Variants in ADH1B observed in about 807,000 individuals in gnomAD.
ADH1B encodes the protein alcohol dehydrogenase 1B (class I), beta polypeptide, also known as all-trans-retinol dehydrogenase [NAD(+)] ADH1B.
Under a neutral mutation model 34.6 loss-of-function variants are expected in ADH1B, and 29 were observed. The ratio of observed to expected loss-of-function variants is 0.84; its 90% CI spans 0.62 to 1.14. The LOEUF (loss-of-function observed/expected upper bound fraction) is 1.14, where lower values mean the gene tolerates loss of function less well. Ranked by LOEUF, ADH1B falls within the 50% of genes most tolerant of loss-of-function variation. ADH1B has a pLI of 0.00. For synonymous variants in ADH1B, 170 were observed against 175.5 expected (o/e 0.97, Z 0.25); for missense variants, 424 against 468.4 (o/e 0.91, Z 0.87).
Position 99,316,051 on chromosome 4 carries a change from A to G in ADH1B, c.414T>C (p.Ile138=). The G allele has an allele frequency of 8.7e-6, 14 of 1,614,132 alleles. No individual in the cohort carries two copies. The highest frequency in any genetic ancestry group is 1.2e-5 in the Non-Finnish European group (14 of 1,180,000). The change falls in exon 5 of 9, where the codon ATT becomes ATC. Residue 138 remains isoleucine, a synonymous_variant. Transcript: ENST00000305046. ...AGGTGCTGGTGCCAAGGAAGTGGTGAATGGGCTTCCCCCTGCAGGTGAACC... is the reference window on the plus strand; with the variant it reads ...AGGTGCTGGTGCCAAGGAAGTGGTGGATGGGCTTCCCCCTGCAGGTGAACC... ...TRRFTCRGKP[I]HHFLGTSTFS...
chr4:99,319,492 T>C (rs1466426086), intron 1 of ADH1B: 2 of 161,104 alleles, frequency 1.2e-5, no homozygotes, highest in Admixed American at 1.2e-4. Flanking sequence ...TGTTTTGTAA[T>C]CTAATTTATG....
Position 99,307,065 on chromosome 4 carries a change from G to A in ADH1B, c.*775C>T, listed in dbSNP as rs1275439944. 1 of 152,130 alleles carries A rather than the reference G, an allele frequency of 6.6e-6. No homozygotes were observed. Among genetic ancestry groups the A allele is most frequent in the Non-Finnish European group, 1.5e-5 (1 of 68,028 alleles). The allele number at this position is 152,130 out of a possible 1,614,324, so 9.4% of individuals were successfully genotyped here. A position where few individuals can be genotyped will look rare whatever the true frequency, so the allele number is the denominator to read the frequency against. ...CACAAACTAATACTGTTTAGTCAAT[G>A]AAGCACTTTCATCAGCAAAAATTAC... On this transcript the variant is annotated 3_prime_UTR_variant, in exon 9 of 9. Coordinates refer to ENST00000305046, the MANE Select transcript of ADH1B (RefSeq NM_000668.6).
In ADH1B at chr4:99,307,691, C is replaced by G. The variant is rs1174416178; in HGVS notation, c.*149G>C. On this transcript the variant is annotated 3_prime_UTR_variant, in exon 9 of 9. Transcript: ENST00000305046. ...ATTTTCCTGAAAAATAATTTCCCAT[C>G]AATTTCCATTTCTTTGGAAAGCCCC... 5 of 943,714 alleles carry G rather than the reference C, an allele frequency of 5.3e-6. No individual in the cohort carries two copies. 58.5% of individuals were successfully genotyped at this position (943,714 alleles called of 1,614,324 possible).
chr4:99,320,744 A>T (rs1329665487), intron 1 of ADH1B: 1 of 1,071,064 alleles, frequency 9.3e-7, no homozygotes, highest in Non-Finnish European at 1.1e-6. Context: ...GAATTGTATC[A>T]TAATGGACCC....
intron 5 of ADH1B, chr4:99,315,114 CAGG>C (rs1338351444): frequency 2.0e-5 from 3 of 152,156 alleles, no homozygotes; most frequent in Admixed American, 1.3e-4. Context: ...TAAGATTCAG[CAGG>C]AGATTTGAAA....
At chr4:99,308,494 C>T (rs1009815660) in intron 8 of ADH1B, among the ~76,000 whole-genome samples, 19 of 151,382 alleles carry the variant, frequency 1.3e-4, no homozygotes, top group African/African-American at 1.7e-4. Flanking sequence ...ACCTTTGATA[C>T]GGATGTTTAA....
At chr4:99,320,989 C>T (rs957527052) in intron 1 of ADH1B, 1 of 1,032,836 alleles carries the variant, frequency 9.7e-7, no homozygotes, top group African/African-American at 1.7e-5. Flanking sequence ...GATAACTTGC[C>T]ATTAAAGACT....
chr4:99,310,185 G>A (rs10033960), intron 8 of ADH1B, among the ~76,000 whole-genome samples: 37,563 of 151,934 alleles, frequency 0.25, 6,099 homozygotes, highest in East Asian at 0.8. Context: ...GAAAATGTAA[G>A]ACAAACATTT....
At chr4:99,317,931 G>A in intron 3 of ADH1B, 115 bp downstream of exon 3, 1 of 1,521,266 alleles carries the variant, frequency 6.6e-7, no homozygotes, top group South Asian at 1.3e-5. Flanking sequence ...TGAAGTCCTG[G>A]CTGCGCGGTG....
At chr4:99,311,785 C>T (rs1560527025) in intron 6 of ADH1B, 129 bp from the exon 7 acceptor site, 1 of 1,380,178 alleles carries the variant, frequency 7.2e-7, no homozygotes, top group African/African-American at 1.4e-5. Context: ...GTCTTTTGAT[C>T]CTTCATTCCC....
Position 99,316,006 on chromosome 4 carries a change from C to T in ADH1B, c.459G>A (p.Val153=), listed in dbSNP as rs1482082702. The stretch of plus-strand genomic sequence containing the variant: ...CAATTTTGGCCACTGCATTCTCATC[C>T]ACCACCGTGTACTGGGAGAAGGTGC... ...GTSTFSQYTV[V]DENAVAKIDA... The change falls in exon 5 of 9, where the codon GTG becomes GTA. Residue 153 remains valine (V), a synonymous_variant. Coordinates refer to ENST00000305046, the MANE Select transcript of ADH1B (RefSeq NM_000668.6). 5 of 1,614,172 alleles carry T rather than the reference C, an allele frequency of 3.1e-6. No homozygotes were observed. In the South Asian group the frequency reaches 4.4e-5, roughly 14 times the overall value.
chr4:99,316,218 T>C lies in ADH1B; in HGVS notation c.344A>G (p.Asn115Ser). 1.1e-5 allele frequency: 18 copies of C among 1,614,184 alleles called. No individual in the cohort carries two copies. The highest frequency in any genetic ancestry group is 1.5e-5 in the Non-Finnish European group (18 of 1,180,024). The change falls in exon 4 of 9, where the codon AAT (asparagine) becomes AGT (serine). Residue 115 changes from asparagine to serine, a missense_variant. This residue lies in a region of ADH1B where 291 missense variants were observed against 300.4 expected (regional missense o/e 0.97). Transcript: ENST00000305046. ...KNPESNYCLKNDLGNPRGTLQ... is the reference protein window; with the variant it reads ...KNPESNYCLKSDLGNPRGTLQ... ...AAAGAGAGCATCAGAAACCTACTCA[T>C]TTTTCAAGCAGTAGTTGCTCTCCGG...
Position 99,310,857 on chromosome 4 carries a change from C to T in ADH1B, c.1011G>A (p.Met337Ile), listed in dbSNP as rs55882921. The T allele has an allele frequency of 3.5e-5, 56 of 1,613,386 alleles. No individual in the cohort carries two copies. The East Asian group carries it at 1.1e-3, about 33-fold the overall frequency. The change falls in exon 8 of 9, where the codon ATG (methionine) becomes ATA (isoleucine). Residue 337 changes from methionine (M) to isoleucine (I), a missense_variant. By Grantham distance (10) the Met-to-Ile change is conservative. Around this residue, in one of 3 missense-constraint regions of ADH1B, gnomAD observed 130 missense variants for 151.8 expected, o/e 0.86. Coordinates refer to ENST00000305046, the MANE Select transcript of ADH1B (RefSeq NM_000668.6). ...EGIPKLVADF[M>I]AKKFSLDALI... The stretch of plus-strand genomic sequence containing the variant: ...ACGCATCCAGTGAAAACTTCTTAGC[C>T]ATAAAATCAGCCACAAGTTTTGGGA...
chr4:99,320,649 A>AC, intron 1 of ADH1B: 1 of 318,956 alleles, frequency 3.1e-6, no homozygotes. Context: ...TTATTATTCA[A>AC]ATTGTATCAT....
intron 1 of ADH1B, chr4:99,320,754 C>T: frequency 1.0e-5 from 11 of 1,087,870 alleles, no homozygotes; most frequent in Non-Finnish European, 1.1e-5. Flanking sequence ...ATAATGGACC[C>T]CTTTTAATCA....
intron 3 of ADH1B, 88 bp from the exon 4 acceptor site, chr4:99,316,390 G>T: frequency 7.6e-7 from 1 of 1,313,396 alleles, no homozygotes; most frequent in Non-Finnish European, 1.1e-6. Flanking sequence ...TTGATTAGAA[G>T]CATGTTTCTT....
At position 99,315,937 on chromosome 4, in the gene ADH1B, T is replaced by A; in HGVS notation, c.528A>T (p.Gly176=). 6.2e-7 allele frequency: 1 copy of A among 1,614,208 alleles called. No individual in the cohort carries two copies. The highest frequency in any genetic ancestry group is 8.5e-7 in the Non-Finnish European group (1 of 1,180,024). The change falls in exon 5 of 9, where the codon GGA becomes GGT. Residue 176 remains glycine, a synonymous_variant. Coordinates refer to ENST00000305046, the MANE Select transcript of ADH1B (RefSeq NM_000668.6). ...CTGCAGACCCATAACCAGTCGAGAA[T>A]CCACAGCCAATGAGGCAGACTTTCT... ...PLEKVCLIGC[G]FSTGYGSAVN... is the part of the protein sequence containing the mutation.
chr4:99,311,769 G>A, intron 6 of ADH1B, 113 bp from the exon 7 acceptor site: 1 of 1,450,106 alleles, frequency 6.9e-7, no homozygotes, highest in Non-Finnish European at 9.3e-7. Context: ...AGAGGGAAGA[G>A]ATCATGTCTT....
Position 99,307,448 on chromosome 4 carries a change from A to G in ADH1B, c.*392T>C, listed in dbSNP as rs757036512. On this transcript the variant is annotated 3_prime_UTR_variant, in exon 9 of 9. Coordinates refer to ENST00000305046, the MANE Select transcript of ADH1B (RefSeq NM_000668.6). ...ACAGAGTTAGAAGACTTCAATCACA[A>G]TGGCCCAGCATGTGTATGTTCAGGG... 8.1e-6 allele frequency: 2 copies of G among 247,534 alleles called. No homozygotes were observed. Among genetic ancestry groups the G allele is most frequent in the Non-Finnish European group, 7.8e-6 (1 of 128,528 alleles). 15.3% of individuals were successfully genotyped at this position (247,534 alleles called of 1,614,324 possible). A position where few individuals can be genotyped will look rare whatever the true frequency, so the allele number is the denominator to read the frequency against.
Sources: allele counts gnomAD v4.1 joint callset (sites outside exome capture counted in the v4.1 genomes callset), GRCh38; gene constraint gnomAD v4.1.1; regional missense constraint gnomAD v4.1.1; transcripts MANE v1.5; gene names NCBI Gene and HGNC (gene_info 2026-07-23, HGNC 2026-07-21).